Variants in VTI1A observed in about 807,000 individuals in gnomAD.
VTI1A encodes vesicle transport through interaction with t-SNAREs 1A.
A neutral mutation model predicts 34.9 loss-of-function variants in VTI1A; 22 were observed. The ratio of observed to expected loss-of-function variants is 0.63; its 90% CI spans 0.45 to 0.90. The LOEUF is 0.90. Among genes scored for constraint, VTI1A ranks in the 40% least tolerant of loss-of-function variants. The probability of loss-of-function intolerance (pLI) is 0.00; values close to 1 mark genes in which losing one functional copy is unlikely to be tolerated. For missense variants in VTI1A, 268 were observed against 275.6 expected, an observed-to-expected ratio of 0.97 and a Z score of 0.20; for synonymous variants, 87 against 97.3, an observed-to-expected ratio of 0.89 and a Z score of 0.62.
At chr10:112,514,178 A>G (rs1042200006) in intron 3 of VTI1A, among the ~76,000 whole-genome samples, 2 of 151,770 alleles carry the variant, frequency 1.3e-5, no homozygotes, top group African/African-American at 4.8e-5. Flanking sequence ...TTACTTATTC[A>G]ATCTTCTTAC....
intron 3 of VTI1A, among the ~76,000 whole-genome samples, chr10:112,518,820 A>AG (rs1171869870): frequency 4.0e-5 from 6 of 151,820 alleles, no homozygotes; most frequent in Non-Finnish European, 8.8e-5. Context: ...ACATCTGAGT[A>AG]GGCAAGATTT....
At chr10:112,527,362 C>T in intron 4 of VTI1A, 198 bp downstream of exon 4, 1 of 426,704 alleles carries the variant, frequency 2.3e-6, no homozygotes, top group Non-Finnish European at 4.2e-6. Flanking sequence ...ACCTTGTGAT[C>T]ACTGTCTGCT....
At chr10:112,749,693 C>G (rs1851033029) in intron 7 of VTI1A, among the ~76,000 whole-genome samples, 1 of 152,188 alleles carries the variant, frequency 6.6e-6, no homozygotes, top group African/African-American at 2.4e-5. Flanking sequence ...TTGCTTTTAG[C>G]AAATAATACA....
chr10:112,799,293 G>C (rs962496397), intron 7 of VTI1A, among the ~76,000 whole-genome samples: 2 of 152,156 alleles, frequency 1.3e-5, no homozygotes, highest in African/African-American at 4.8e-5. Flanking sequence ...GTCAGAGGTC[G>C]CAGACTGAAG....
the VTI1A span, chr10:112,826,350 A>G: frequency 1 from 152,106 of 152,358 alleles, 75,927 homozygotes; most frequent in East Asian, 1. Context: ...GTCCCCTCAT[A>G]TAGGTTTAAC....
intron 5 of VTI1A, among the ~76,000 whole-genome samples, chr10:112,658,650 G>A (rs1304281310): frequency 2.0e-5 from 3 of 151,962 alleles, no homozygotes; most frequent in African/African-American, 4.8e-5. Flanking sequence ...CTAATCCTAC[G>A]GCAGCCAAGC....
chr10:112,540,525 G>A (rs1365166846), intron 5 of VTI1A, among the ~76,000 whole-genome samples: 1 of 152,226 alleles, frequency 6.6e-6, no homozygotes, highest in Non-Finnish European at 1.5e-5. Context: ...CCTGTACATG[G>A]ACGGGAGTCA....
intron 3 of VTI1A, among the ~76,000 whole-genome samples, chr10:112,486,118 C>T (rs928740907): frequency 4.6e-5 from 7 of 152,144 alleles, no homozygotes; most frequent in African/African-American, 1.2e-4. Context: ...CACTTTACCA[C>T]GCGTATGTCT....
At chr10:112,525,419 T>C (rs1850188918) in intron 3 of VTI1A, among the ~76,000 whole-genome samples, 1 of 152,164 alleles carries the variant, frequency 6.6e-6, no homozygotes, top group Non-Finnish European at 1.5e-5. Context: ...TGAGTCACTC[T>C]AAAGGTAATA....
intron 1 of VTI1A, among the ~76,000 whole-genome samples, chr10:112,454,323 A>G (rs1480552405): frequency 6.6e-6 from 1 of 152,210 alleles, no homozygotes; most frequent in Non-Finnish European, 1.5e-5. Context: ...TTTGTACGTC[A>G]GCACTAAGAA....
Position 112,518,668 on chromosome 10 carries a change from T to TACAC in VTI1A, c.265-8407_265-8404dup, listed in dbSNP as rs201586494. ...ATATACGTGTATATATATATATATA[T>TACAC]ACACACACACACACATAACTTTTTA... On this transcript the variant is annotated intron_variant, in intron 3 of 7. Coordinates refer to ENST00000393077, the MANE Select transcript of VTI1A (RefSeq NM_145206.4). Among the ~76,000 whole-genome samples, 120 of 125,038 alleles carry TACAC rather than the reference T, an allele frequency of 9.6e-4. 1 individual carries two copies. In the South Asian group the frequency reaches 0.019, roughly 19 times the overall value. 82.0% of individuals were successfully genotyped at this position (125,038 alleles called of 152,430 possible). A position where few individuals can be genotyped will look rare whatever the true frequency, so the allele number is the denominator to read the frequency against.
At chr10:112,640,561 CA>C (rs955796948) in intron 5 of VTI1A, among the ~76,000 whole-genome samples, 12 of 150,644 alleles carry the variant, frequency 8.0e-5, no homozygotes, top group South Asian at 2.1e-4. Context: ...ACAACAACAA[CA>C]AAAAAAAACC....
chr10:112,761,093 A>G lies in VTI1A; in HGVS notation c.561-54197A>G, dbSNP rs555918197. ...TTCAAGGCTGAAAAAATTAAAGTCA[A>G]CCTCTTACTCAGGCTCATGCATACC... On this transcript the variant is annotated intron_variant, in intron 7 of 7. Coordinates refer to ENST00000393077, the MANE Select transcript of VTI1A (RefSeq NM_145206.4). Among the ~76,000 whole-genome samples, 11 of 152,200 alleles carry G rather than the reference A, an allele frequency of 7.2e-5. No homozygotes were observed. The South Asian group carries it at 1.2e-3, about 17-fold the overall frequency.
At chr10:112,515,256 A>G (rs924664882) in intron 3 of VTI1A, among the ~76,000 whole-genome samples, 1 of 152,096 alleles carries the variant, frequency 6.6e-6, no homozygotes, top group Non-Finnish European at 1.5e-5. Context: ...GATCAGAATG[A>G]AGATATGGCT....
chr10:112,792,308 G>A (rs371673967), intron 7 of VTI1A, among the ~76,000 whole-genome samples: 3 of 152,276 alleles, frequency 2.0e-5, no homozygotes, highest in East Asian at 3.9e-4. Flanking sequence ...TAGACTCTTA[G>A]TGTTAGAAGG....
intron 5 of VTI1A, among the ~76,000 whole-genome samples, chr10:112,584,850 G>A (rs1278562878): frequency 6.6e-6 from 1 of 152,164 alleles, no homozygotes; most frequent in East Asian, 1.9e-4. Flanking sequence ...TCTCTCTATG[G>A]AGAGAGATAG....
In VTI1A at chr10:112,817,551, C is replaced by T. The variant is rs1168069133; in HGVS notation, c.*2168C>T. The T allele has an allele frequency of 4.4e-6, 1 of 229,574 alleles. No homozygotes were observed. Among genetic ancestry groups the T allele is most frequent in the East Asian group, 6.2e-5 (1 of 16,096 alleles). 14.2% of individuals were successfully genotyped at this position (229,574 alleles called of 1,614,324 possible). On this transcript the variant is annotated 3_prime_UTR_variant, in exon 8 of 8. Coordinates refer to ENST00000393077, the MANE Select transcript of VTI1A (RefSeq NM_145206.4). ...ATAACCCTTGGCCTAACAGCTCCAT[C>T]AAACCTCCTTGAGAGCAACTACCTA... is the stretch of plus-strand genomic sequence containing the variant.
At chr10:112,731,015 A>G (rs980785922) in intron 7 of VTI1A, among the ~76,000 whole-genome samples, 1 of 152,176 alleles carries the variant, frequency 6.6e-6, no homozygotes, top group Non-Finnish European at 1.5e-5. Context: ...TATATATTAA[A>G]GTGATTAAGG....
intron 3 of VTI1A, among the ~76,000 whole-genome samples, chr10:112,513,656 T>C (rs1274610102): frequency 1.3e-5 from 2 of 151,978 alleles, no homozygotes; most frequent in African/African-American, 4.8e-5. Context: ...CATGGAGAAT[T>C]ATTTTAGCTA....
Sources: allele counts gnomAD v4.1 joint callset (sites outside exome capture counted in the v4.1 genomes callset), GRCh38; gene constraint gnomAD v4.1.1; transcripts MANE v1.5; gene names NCBI Gene and HGNC (gene_info 2026-07-23, HGNC 2026-07-21).